Variants in HCFC2 observed in about 807,000 individuals in gnomAD.
HCFC2 encodes the protein host cell factor C2.
Under a neutral mutation model 89.2 loss-of-function variants are expected in HCFC2, and 18 were observed. The ratio of observed to expected loss-of-function variants is 0.20; its 90% CI spans 0.14 to 0.30. The LOEUF (loss-of-function observed/expected upper bound fraction) is 0.30, where lower values mean the gene tolerates loss of function less well. Ranked by LOEUF, HCFC2 falls within the 10% of genes least tolerant of loss-of-function variation. The probability of loss-of-function intolerance (pLI) is 1.00; values close to 1 mark genes in which losing one functional copy is unlikely to be tolerated. For missense variants in HCFC2, 578 were observed against 956.1 expected, an observed-to-expected ratio of 0.60 and a Z score of 5.21; for synonymous variants, 308 against 335.7, an observed-to-expected ratio of 0.92 and a Z score of 0.90.
At position 104,096,442 on chromosome 12, in the gene HCFC2, A is replaced by AT; in HGVS notation, c.1740+10dup. The AT allele has an allele frequency of 6.3e-7, 1 of 1,596,488 alleles. No individual in the cohort carries two copies. The highest frequency in any genetic ancestry group is 8.6e-7 in the Non-Finnish European group (1 of 1,165,946). On this transcript the variant is annotated intron_variant, in intron 12 of 14. Coordinates refer to ENST00000229330, the MANE Select transcript of HCFC2 (RefSeq NM_013320.3). Reference sequence around the variant, plus strand: ...CAGCAACGCCGTTTTCTGTAAGTACATGACCTGGTGATGATGCATGTTTAC... The same window carrying AT: ...CAGCAACGCCGTTTTCTGTAAGTACATTGACCTGGTGATGATGCATGTTTAC...
chr12:104,102,885 A>G, intron 14 of HCFC2, 74 bp from the exon 15 acceptor site: 1 of 1,201,104 alleles, frequency 8.3e-7, no homozygotes, highest in Non-Finnish European at 1.2e-6. Flanking sequence ...TATTCTAAAG[A>G]TAGACTCAAC....
At chr12:104,065,648 A>C (rs1883084457) in intron 1 of HCFC2, among the ~76,000 whole-genome samples, 1 of 152,138 alleles carries the variant, frequency 6.6e-6, no homozygotes, top group Non-Finnish European at 1.5e-5. Context: ...CCAGCATATG[A>C]AGGTAAAAAG....
At chr12:104,071,151 TAAACAG>T (rs1883314042) in intron 3 of HCFC2, among the ~76,000 whole-genome samples, 1 of 152,178 alleles carries the variant, frequency 6.6e-6, no homozygotes, top group Non-Finnish European at 1.5e-5. Flanking sequence ...CTTTTTCCAT[TAAACAG>T]ATTTTTAAAA....
intron 13 of HCFC2, 89 bp from the exon 14 acceptor site, chr12:104,101,879 T>C: frequency 1.3e-6 from 1 of 787,612 alleles, no homozygotes; most frequent in Non-Finnish European, 1.8e-6. Context: ...CTTTAAAAGT[T>C]TTTTTGTTTA....
At chr12:104,093,601 A>G (rs762820435) in intron 10 of HCFC2, 38 bp downstream of exon 10, 1 of 1,510,184 alleles carries the variant, frequency 6.6e-7, no homozygotes. Flanking sequence ...CTTTTTATAA[A>G]ATCGGTGGGG....
Position 104,079,534 on chromosome 12 carries a change from C to T in HCFC2, c.563C>T (p.Ser188Phe), listed in dbSNP as rs758281586. ...CCAGTGACTAAAGGGGTTGTGCCTT[C>T]TCCAAGAGAATCCCACACAGCTGTT... The part of the protein sequence containing the change: ...SIPVTKGVVP[S>F]PRESHTAVIY... Residue 188 changes from serine to phenylalanine, a missense_variant, in exon 4 of 15, where the codon TCT (serine) becomes TTT (phenylalanine). Physicochemically the swap from Ser to Phe is radical, Grantham distance 155. Around this residue, in one of 4 missense-constraint regions of HCFC2, gnomAD observed 206 missense variants for 419.2 expected, o/e 0.49. Transcript: ENST00000229330. The T allele has an allele frequency of 4.3e-6, 7 of 1,614,044 alleles. No individual in the cohort carries two copies. The highest frequency in any genetic ancestry group is 5.9e-6 in the Non-Finnish European group (7 of 1,179,944).
In HCFC2 at chr12:104,103,252, T is replaced by G; in HGVS notation, c.2358T>G (p.Asn786Lys). 3 of 1,611,492 alleles carry G rather than the reference T, an allele frequency of 1.9e-6. No individual in the cohort carries two copies. Among genetic ancestry groups the G allele is most frequent in the Non-Finnish European group, 2.5e-6 (3 of 1,177,982 alleles). The change falls in exon 15 of 15, where the codon AAT becomes AAG. Residue 786 changes from asparagine to lysine, a missense_variant. Physicochemically the swap from Asn to Lys is moderately conservative, Grantham distance 94. This residue lies in a region of HCFC2 where 140 missense variants were observed against 266.4 expected (regional missense o/e 0.53). Coordinates refer to ENST00000229330, the MANE Select transcript of HCFC2 (RefSeq NM_013320.3). ...ATQVRWLQGN[N>K]KKAPLN ...AAGTTCGGTGGCTTCAAGGTAACAA[T>G]AAGAAAGCACCTTTAAATTGAATTG...
intron 7 of HCFC2, 79 bp downstream of exon 7, chr12:104,082,980 A>G (rs1883728948): frequency 3.1e-6 from 3 of 959,674 alleles, no homozygotes; most frequent in South Asian, 1.6e-5. Flanking sequence ...CTTACTGTAA[A>G]TGCTACTACC....
intron 12 of HCFC2, chr12:104,098,026 G>T (rs1251443527): frequency 4.9e-6 from 1 of 203,032 alleles, no homozygotes; most frequent in African/African-American, 2.3e-5. Flanking sequence ...TTCTGAGAGA[G>T]TCTCTGAAAT....
At chr12:104,089,151 G>T (rs1327915434) in intron 9 of HCFC2, among the ~76,000 whole-genome samples, 1 of 152,246 alleles carries the variant, frequency 6.6e-6, no homozygotes, top group South Asian at 2.1e-4. Flanking sequence ...TGCGAATACT[G>T]TATTTTCCAT....
chr12:104,066,002 C>A (rs1883117954), intron 1 of HCFC2, among the ~76,000 whole-genome samples, 165 bp from the exon 2 acceptor site: 1 of 152,114 alleles, frequency 6.6e-6, no homozygotes, highest in Admixed American at 6.6e-5. Context: ...TAACAGCCCC[C>A]TCCAGTTGTG....
At chr12:104,077,159 A>G (rs989006371) in intron 3 of HCFC2, among the ~76,000 whole-genome samples, 1 of 150,396 alleles carries the variant, frequency 6.6e-6, no homozygotes, top group Non-Finnish European at 1.5e-5. Context: ...CGTGTACTAA[A>G]CTTTTTAAGT....
In HCFC2 at chr12:104,068,018, T is replaced by G. The variant is rs1039503640; in HGVS notation, c.384T>G (p.Leu128=). ...PPSGLPPCPR[L]GHSFSLYGNK... ...CTGGTTTACCTCCTTGTCCTCGGCTTGGACATAGCTTCTCTTTATATGGTA... is the reference window on the plus strand; with the variant it reads ...CTGGTTTACCTCCTTGTCCTCGGCTGGGACATAGCTTCTCTTTATATGGTA... The change falls in exon 3 of 15, where the codon CTT becomes CTG. Residue 128 remains leucine, a synonymous_variant. Transcript: ENST00000229330. The surrounding 1 kb of genome is among the most constrained non-coding windows in gnomAD (Gnocchi z 4.1). 1.9e-6 allele frequency: 3 copies of G among 1,610,134 alleles called. No homozygotes were observed. Among genetic ancestry groups the G allele is most frequent in the Non-Finnish European group, 1.7e-6 (2 of 1,178,544 alleles).
intron 3 of HCFC2, among the ~76,000 whole-genome samples, chr12:104,078,146 C>T (rs1883569780): frequency 6.6e-6 from 1 of 151,980 alleles, no homozygotes; most frequent in African/African-American, 2.4e-5. Context: ...CTACAAGTGC[C>T]CACCACCACA....
Position 104,104,323 on chromosome 12 carries a change from A to G in HCFC2, c.*1050A>G, listed in dbSNP as rs566843059. 2.0e-5 allele frequency: 3 copies of G among 152,162 alleles called. No individual in the cohort carries two copies. In the East Asian group the frequency reaches 5.8e-4, roughly 29 times the overall value. The allele number at this position is 152,162 out of a possible 1,614,324, so 9.4% of individuals were successfully genotyped here. The stretch of plus-strand genomic sequence containing the variant: ...TAAACTTTTTTACTATGAAAATATA[A>G]GCATTAGACAGCTAACTCAGGTTCC... On this transcript the variant is annotated 3_prime_UTR_variant, in exon 15 of 15. Coordinates refer to ENST00000229330, the MANE Select transcript of HCFC2 (RefSeq NM_013320.3).
chr12:104,090,679 C>G (rs937327349), intron 9 of HCFC2, among the ~76,000 whole-genome samples: 4 of 150,252 alleles, frequency 2.7e-5, no homozygotes, highest in Non-Finnish European at 3.0e-5. Context: ...CTTTCCTTCT[C>G]TCTTGAAGAA....
intron 3 of HCFC2, among the ~76,000 whole-genome samples, chr12:104,077,692 T>C (rs1883546738): frequency 6.6e-6 from 1 of 152,106 alleles, no homozygotes; most frequent in South Asian, 2.1e-4. Flanking sequence ...TTATATGTGC[T>C]AATTTTGTGC....
Position 104,098,131 on chromosome 12 carries a change from G to A in HCFC2, c.1741-212G>A, listed in dbSNP as rs536577453. ...GTTGATAGTACAGAGCTACTGACTT[G>A]GAGAATGCCTGTCACTCCTGTGTTT... On this transcript the variant is annotated intron_variant, in intron 12 of 14. Transcript: ENST00000229330. The A allele has an allele frequency of 7.3e-5, 32 of 437,932 alleles. No homozygotes were observed. In the South Asian group the frequency reaches 1.2e-3, roughly 17 times the overall value. 27.1% of individuals were successfully genotyped at this position (437,932 alleles called of 1,614,324 possible).
intron 5 of HCFC2, 104 bp downstream of exon 5, chr12:104,080,934 A>C: frequency 1.4e-6 from 1 of 695,586 alleles, no homozygotes; most frequent in South Asian, 1.9e-5. Context: ...AGATTATGAA[A>C]CTTAACAAAG....
Sources: gnomAD v4.1 joint callset for allele counts (sites outside exome capture counted in the v4.1 genomes callset) on GRCh38, gnomAD v4.1.1 for gene constraint, gnomAD v4.1.1 regional missense constraint, Gnocchi (gnomAD v3.1) non-coding constraint, MANE v1.5 for transcripts, NCBI Gene and HGNC (gene_info 2026-07-23, HGNC 2026-07-21) for gene names.